The following TMIE variants were observed in gnomAD, a reference collection of about 807,000 sequenced individuals.
TMIE encodes the protein transmembrane inner ear.
In TMIE, 14 loss-of-function variants were observed where a neutral mutation model predicts 16.8. That is an observed-to-expected ratio of 0.83 (90% CI 0.55 to 1.30). The LOEUF (loss-of-function observed/expected upper bound fraction) is 1.30, where lower values mean the gene tolerates loss of function less well. Ranked by LOEUF, TMIE falls within the 50% of genes most tolerant of loss-of-function variation. The pLI, the probability that TMIE is intolerant of heterozygous loss-of-function variation, is 0.00. For missense variants in TMIE, 204 were observed against 205.9 expected (o/e 0.99, Z 0.06); for synonymous variants, 75 against 87.2 (o/e 0.86, Z 0.78).
In TMIE at chr3:46,701,495, G is replaced by A; in HGVS notation, c.8G>A (p.Gly3Glu). MA[G>E]WPGAGPLCVL... ...CGGCGCGGTGGCACGAAGATGGCGG[G>A]GTGGCCGGGCGCGGGTCCCCTCTGC... is the stretch of plus-strand genomic sequence containing the variant. Residue 3 changes from glycine to glutamate, a missense_variant, in exon 1 of 4, where the codon GGG (glycine) becomes GAG (glutamate). Coordinates refer to ENST00000643606, the MANE Select transcript of TMIE (RefSeq NM_147196.3). The surrounding 1 kb of genome is among the most constrained non-coding windows in gnomAD (Gnocchi z 4.3). 1 of 1,348,298 alleles carries A rather than the reference G, an allele frequency of 7.4e-7. No individual in the cohort carries two copies. Among genetic ancestry groups the A allele is most frequent in the South Asian group, 1.8e-5 (1 of 54,446 alleles). 83.5% of individuals were successfully genotyped at this position (1,348,298 alleles called of 1,614,324 possible).
chr3:46,695,152 C>A (rs901564293), intron 1 of TMIE, among the ~76,000 whole-genome samples: 2 of 152,222 alleles, frequency 1.3e-5, no homozygotes, highest in African/African-American at 4.8e-5. Context: ...TGCTGGGGCA[C>A]TTGGCTCCCT....
intron 2 of TMIE, among the ~76,000 whole-genome samples, chr3:46,707,930 T>C (rs1327185858): frequency 6.6e-6 from 1 of 152,110 alleles, no homozygotes; most frequent in Non-Finnish European, 1.5e-5. Context: ...TGAACACAGG[T>C]TCTGGAGAAA....
rs536242163 is a variant in TMIE at position 46,702,878 on chromosome 3, G to A, written c.93+1298G>A. 7.2e-4 allele frequency among the ~76,000 whole-genome samples: 109 copies of A among 152,240 alleles called. 1 individual carries two copies. Among genetic ancestry groups the A allele is most frequent in the African/African-American group, 2.3e-3 (96 of 41,544 alleles). ...TATGCTGGCTTGAGCCCTGTGAGGCGTACTTGGGCCCCTCACAGGCTGCCC... is the reference window on the plus strand; with the variant it reads ...TATGCTGGCTTGAGCCCTGTGAGGCATACTTGGGCCCCTCACAGGCTGCCC... On this transcript the variant is annotated intron_variant, in intron 1 of 3. Transcript: ENST00000643606.
At chr3:46,708,860 C>T (rs1006297837) in intron 2 of TMIE, among the ~76,000 whole-genome samples, 1 of 152,250 alleles carries the variant, frequency 6.6e-6, no homozygotes, top group African/African-American at 2.4e-5. Flanking sequence ...GAAAGACCCT[C>T]AGGACCAGGA....
chr3:46,696,771 A>C (rs1025731017), upstream of TMIE, among the ~76,000 whole-genome samples: 2 of 152,136 alleles, frequency 1.3e-5, no homozygotes, highest in Non-Finnish European at 2.9e-5. Context: ...CAGGAAACTC[A>C]CAGGAGCTAA....
intron 1 of TMIE, among the ~76,000 whole-genome samples, chr3:46,702,609 A>C (rs1383795856): frequency 6.6e-6 from 1 of 151,710 alleles, no homozygotes; most frequent in African/African-American, 2.4e-5. Context: ...GAAATGCAAG[A>C]GGCAGTGAGA....
chr3:46,704,488 T>C (rs62246203), intron 1 of TMIE, among the ~76,000 whole-genome samples: 87,765 of 122,548 alleles, frequency 0.72, 30,048 homozygotes, highest in Middle Eastern at 0.85. Context: ...TGTCCCTAGA[T>C]GCCCAGGGCA....
At chr3:46,708,262 A>T (rs2106785730) in intron 2 of TMIE, among the ~76,000 whole-genome samples, 1 of 152,316 alleles carries the variant, frequency 6.6e-6, no homozygotes, top group South Asian at 2.1e-4. Flanking sequence ...GGCTACATAG[A>T]TCTGATCCAT....
rs538794070 is a variant in TMIE, at chr3:46,703,443, T to C, written c.93+1863T>C. On this transcript the variant is annotated intron_variant, in intron 1 of 3. Transcript: ENST00000643606. ...CATACAACCAGCCGGGCCAACACAT[T>C]GAGCCTTAGAATTAGGGCAGCTGCC... 9.9e-5 allele frequency among the ~76,000 whole-genome samples: 15 copies of C among 152,214 alleles called. No homozygotes were observed. In the South Asian group the frequency reaches 3.1e-3, roughly 32 times the overall value.
At chr3:46,703,772 A>G (rs1306752648) in intron 1 of TMIE, among the ~76,000 whole-genome samples, 3 of 152,164 alleles carry the variant, frequency 2.0e-5, no homozygotes, top group Non-Finnish European at 4.4e-5. Context: ...GGCATTCACT[A>G]GATGAAGAAG....
intron 1 of TMIE, among the ~76,000 whole-genome samples, chr3:46,696,246 C>A (rs1700411012): frequency 6.6e-6 from 1 of 152,196 alleles, no homozygotes. Flanking sequence ...ATGTGCCCAT[C>A]CACAGGGACA....
In TMIE at chr3:46,709,252, A is replaced by G. The variant is rs565225720; in HGVS notation, c.338A>G (p.Asn113Ser). 2.8e-5 allele frequency: 45 copies of G among 1,614,042 alleles called. 1 individual carries two copies. The highest frequency in any genetic ancestry group is 1.0e-4 in the Admixed American group (6 of 60,024). ...AAGCTGGAGACTGTGCCACCCCTCA[A>G]TGAGCTCACAGAAGTCCCAGGAGGT... Reference protein sequence around the residue: ...TDKLETVPPLNELTEVPGEDK... With the variant: ...TDKLETVPPLSELTEVPGEDK... The change falls in exon 3 of 4, where the codon AAT becomes AGT. Residue 113 changes from asparagine (N) to serine (S), a missense_variant. Transcript: ENST00000643606.
intron 1 of TMIE, among the ~76,000 whole-genome samples, chr3:46,702,492 G>T (rs900990205): frequency 2.0e-5 from 3 of 152,170 alleles, no homozygotes; most frequent in Non-Finnish European, 4.4e-5. Flanking sequence ...CAGACCTAGA[G>T]TTCTGAATTG....
rs1700603788 is a variant in TMIE, at chr3:46,710,157, C to A, written c.*469C>A. The A allele has an allele frequency of 4.0e-6, 1 of 247,754 alleles. No homozygotes were observed. Among genetic ancestry groups the A allele is most frequent in the African/African-American group, 2.2e-5 (1 of 45,498 alleles). The allele number at this position is 247,754 out of a possible 1,614,324, so 15.3% of individuals were successfully genotyped here. ...AGGCAGAGAGGGTCACTGGGGGACA[C>A]TGTGGCAGCAGGAGGGACTCTGTCT... On this transcript the variant is annotated 3_prime_UTR_variant, in exon 4 of 4. Coordinates refer to ENST00000643606, the MANE Select transcript of TMIE (RefSeq NM_147196.3).
chr3:46,697,437 C>A (rs1038461128), upstream of TMIE, among the ~76,000 whole-genome samples: 1 of 152,256 alleles, frequency 6.6e-6, no homozygotes, highest in African/African-American at 2.4e-5. Flanking sequence ...CAGAGGGCTT[C>A]TGAATAGCTG....
rs1700612060 is a variant in TMIE at position 46,710,826 on chromosome 3, G to A, written c.*1138G>A. 6.6e-6 allele frequency: 1 copy of A among 152,240 alleles called. No homozygotes were observed. The highest frequency in any genetic ancestry group is 2.1e-4 in the South Asian group (1 of 4,832). 9.4% of individuals were successfully genotyped at this position (152,240 alleles called of 1,614,324 possible). Reference sequence around the variant, plus strand: ...GAGACACCAGAGGTTTCTGAGCCAGGAGAGCCTGCTGGAAAAGCAGCCTGC... The same window carrying A: ...GAGACACCAGAGGTTTCTGAGCCAGAAGAGCCTGCTGGAAAAGCAGCCTGC... On this transcript the variant is annotated 3_prime_UTR_variant, in exon 4 of 4. Transcript: ENST00000643606.
chr3:46,706,022 C>A, intron 2 of TMIE, 115 bp downstream of exon 2: 1 of 1,092,710 alleles, frequency 9.2e-7, no homozygotes, highest in Non-Finnish European at 1.4e-6. Context: ...CAGGCACCCG[C>A]AGGAGACCCG....
Position 46,701,450 on chromosome 3 carries a change from T to C in TMIE, c.-38T>C. 7.0e-7 allele frequency: 1 copy of C among 1,421,754 alleles called. No individual in the cohort carries two copies. The allele number at this position is 1,421,754 out of a possible 1,614,324, so 88.1% of individuals were successfully genotyped here. On this transcript the variant is annotated 5_prime_UTR_variant, in exon 1 of 4. Coordinates refer to ENST00000643606, the MANE Select transcript of TMIE (RefSeq NM_147196.3). The surrounding 1 kb of genome is among the most constrained non-coding windows in gnomAD (Gnocchi z 4.3). ...GGGCAGTGACCGGCGGCCGGCCCGT[T>C]CGTCCCTGGGCTCCGCAAGCGGCGC...
Position 46,704,427 on chromosome 3 carries a change from C to T in TMIE, c.94-1363C>T, listed in dbSNP as rs1700519383. The stretch of plus-strand genomic sequence containing the variant: ...TAGAGACCCAGGGTGGACCATGTCG[C>T]CTAGACACCCAGGGCAGGACCATGT... On this transcript the variant is annotated intron_variant, in intron 1 of 3. Coordinates refer to ENST00000643606, the MANE Select transcript of TMIE (RefSeq NM_147196.3). Among the ~76,000 whole-genome samples the T allele has an allele frequency of 2.7e-5, 4 of 147,854 alleles. No individual in the cohort carries two copies. The South Asian group carries it at 8.8e-4, about 33-fold the overall frequency.
Sources: allele counts gnomAD v4.1 joint callset (sites outside exome capture counted in the v4.1 genomes callset), GRCh38; gene constraint gnomAD v4.1.1; non-coding constraint Gnocchi (gnomAD v3.1); transcripts MANE v1.5; gene names NCBI Gene and HGNC (gene_info 2026-07-23, HGNC 2026-07-21).